The following NOS1AP variants were observed in gnomAD, a reference collection of about 807,000 sequenced individuals.
NOS1AP encodes nitric oxide synthase 1 adaptor protein, also known as carboxyl-terminal PDZ ligand of neuronal nitric oxide synthase protein.
Under a neutral mutation model 56.2 loss-of-function variants are expected in NOS1AP, and 21 were observed. The observed-to-expected ratio is 0.37, with a 90% CI of 0.26 to 0.54. The LOEUF (loss-of-function observed/expected upper bound fraction) is 0.54. Among genes scored for constraint, NOS1AP ranks in the 20% least tolerant of loss-of-function variants. The pLI, the probability that NOS1AP is intolerant of heterozygous loss-of-function variation, is 0.84. For missense variants in NOS1AP, 522 were observed against 657.8 expected (o/e 0.79, Z 2.26); for synonymous variants, 270 against 274.6 (o/e 0.98, Z 0.17).
At chr1:162,079,392 C>CTT (rs371079160) in intron 1 of NOS1AP, among the ~76,000 whole-genome samples, 1 of 149,694 alleles carries the variant, frequency 6.7e-6, no homozygotes, top group African/African-American at 2.5e-5. Flanking sequence ...GAATTGATGT[C>CTT]TTTTTTTTTT....
chr1:162,070,261 C>T lies in NOS1AP; in HGVS notation c.84C>T (p.His28=), dbSNP rs776274543. ...IPLHNEDAFQ[H]GICFEAKYVG... ...TGCACAACGAGGACGCCTTCCAGCA[C>T]GGCATCTGCTTTGAGGCCAAGGTGA... The change falls in exon 1 of 10, where the codon CAC becomes CAT. Residue 28 remains histidine (H), a synonymous_variant. Coordinates refer to ENST00000361897, the MANE Select transcript of NOS1AP (RefSeq NM_014697.3). 1 of 1,613,740 alleles carries T rather than the reference C, an allele frequency of 6.2e-7. No individual in the cohort carries two copies. The highest frequency in any genetic ancestry group is 8.5e-7 in the Non-Finnish European group (1 of 1,179,760).
intron 6 of NOS1AP, among the ~76,000 whole-genome samples, chr1:162,351,124 C>G (rs1401264353): frequency 6.6e-6 from 1 of 152,160 alleles, no homozygotes; most frequent in African/African-American, 2.4e-5. Flanking sequence ...CATATATATG[C>G]AAATAGGCAA....
Position 162,343,882 on chromosome 1 carries a change from C to G in NOS1AP, c.501C>G (p.Val167=). Residue 167 remains valine, a synonymous_variant, in exon 6 of 10, where the codon GTC becomes GTG. Transcript: ENST00000361897. Reference sequence around the variant, plus strand: ...GGACGGTGGGGCAGGCCTTTGAGGTCTGCCACAAGCTGAGCCTGCAGCACA... The same window carrying G: ...GGACGGTGGGGCAGGCCTTTGAGGTGTGCCACAAGCTGAGCCTGCAGCACA... ...IVRTVGQAFE[V]CHKLSLQHTQ... is the part of the protein sequence containing the mutation. 1 of 1,614,082 alleles carries G rather than the reference C, an allele frequency of 6.2e-7. No individual in the cohort carries two copies. The highest frequency in any genetic ancestry group is 1.1e-5 in the South Asian group (1 of 91,068).
chr1:162,275,609 A>T (rs1654708050), intron 2 of NOS1AP, among the ~76,000 whole-genome samples: 2 of 152,150 alleles, frequency 1.3e-5, no homozygotes, highest in African/African-American at 4.8e-5. Context: ...TTTCCATCAT[A>T]GTTGGAGGGG....
At chr1:162,170,654 C>T (rs929074979) in intron 2 of NOS1AP, among the ~76,000 whole-genome samples, 4 of 152,028 alleles carry the variant, frequency 2.6e-5, no homozygotes, top group East Asian at 1.9e-4. Flanking sequence ...AGGCCAGGCG[C>T]GGTGGCTCAC....
Position 162,367,438 on chromosome 1 carries a change from G to C in NOS1AP, c.1492G>C (p.Asp498His), listed in dbSNP as rs1467991388. 6.3e-7 allele frequency: 1 copy of C among 1,575,068 alleles called. No individual in the cohort carries two copies. Among genetic ancestry groups the C allele is most frequent in the East Asian group, 2.3e-5 (1 of 43,244 alleles). Residue 498 changes from aspartate (D) to histidine (H), a missense_variant, in exon 10 of 10, where the codon GAC (aspartate) becomes CAC (histidine). By Grantham distance (81) the Asp-to-His change is moderately conservative. Around this residue, in one of 4 missense-constraint regions of NOS1AP, gnomAD observed 160 missense variants for 180.3 expected, o/e 0.89. Coordinates refer to ENST00000361897, the MANE Select transcript of NOS1AP (RefSeq NM_014697.3). The surrounding 1 kb of genome is among the most constrained non-coding windows in gnomAD (Gnocchi z 6.5). ...TGTCCTGCAGAGGCAGGAACTGGGC[G>C]ACGGCCTGGATGATGAGATCGCCGT... ...LNVLQRQELG[D>H]GLDDEIAV
intron 1 of NOS1AP, among the ~76,000 whole-genome samples, chr1:162,124,769 C>T (rs952387429): frequency 4.6e-5 from 7 of 152,050 alleles, no homozygotes; most frequent in African/African-American, 9.7e-5. Flanking sequence ...GTGATCTGCC[C>T]GCCTTGGCCT....
chr1:162,147,226 G>T (rs1649503876), intron 1 of NOS1AP, among the ~76,000 whole-genome samples: 1 of 151,666 alleles, frequency 6.6e-6, no homozygotes, highest in African/African-American at 2.4e-5. Flanking sequence ...CTACTCTGGA[G>T]GCTGAGGCAG....
At chr1:162,107,219 G>T (rs1002984236) in intron 1 of NOS1AP, among the ~76,000 whole-genome samples, 30 of 152,182 alleles carry the variant, frequency 2.0e-4, no homozygotes, top group Non-Finnish European at 4.0e-4. Context: ...AACCATAAGA[G>T]AATAATAATA....
intron 2 of NOS1AP, among the ~76,000 whole-genome samples, chr1:162,247,500 T>C (rs1653702498): frequency 6.6e-6 from 1 of 152,182 alleles, no homozygotes; most frequent in Non-Finnish European, 1.5e-5. Flanking sequence ...GAGTGCTTAT[T>C]TTGCAAGATG....
At position 162,116,373 on chromosome 1, in the gene NOS1AP, TAG is replaced by T. The variant is rs138029553; in HGVS notation, c.106-38029_106-38028del. 8.5e-3 allele frequency among the ~76,000 whole-genome samples: 1,301 copies of T among 152,274 alleles called. 11 individuals carry two copies. The highest frequency in any genetic ancestry group is 0.022 in the South Asian group (108 of 4,818). ...GACAGCTAATGCCATCCATGGGATG[TAG>T]AGTCTTGCATGCTCCATCCCCCAGA... On this transcript the variant is annotated intron_variant, in intron 1 of 9. Coordinates refer to ENST00000361897, the MANE Select transcript of NOS1AP (RefSeq NM_014697.3).
intron 1 of NOS1AP, among the ~76,000 whole-genome samples, chr1:162,140,431 G>T (rs1649187984): frequency 6.6e-6 from 1 of 152,130 alleles, no homozygotes; most frequent in Non-Finnish European, 1.5e-5. Context: ...AATTCCCTTA[G>T]GAAAATGGCC....
intron 1 of NOS1AP, among the ~76,000 whole-genome samples, chr1:162,127,563 C>T (rs1646260539): frequency 6.6e-6 from 1 of 151,244 alleles, no homozygotes; most frequent in Admixed American, 6.6e-5. Flanking sequence ...GCTCACAGTT[C>T]TGCAAACTGT....
rs1037903447 is a variant in NOS1AP at position 162,363,200 on chromosome 1, C to T, written c.940-2204C>T. ...GTCACCTACACCTCTGACCAAGTGG[C>T]TATAAATTGGTGTTCCCACTACCCT... On this transcript the variant is annotated intron_variant, in intron 8 of 9. Transcript: ENST00000361897. 2.0e-5 allele frequency: 3 copies of T among 152,508 alleles called. No homozygotes were observed. In the East Asian group the frequency reaches 5.8e-4, roughly 29 times the overall value. The allele number at this position is 152,508 out of a possible 1,614,324, so 9.4% of individuals were successfully genotyped here.
chr1:162,183,318 C>T (rs1031083963), intron 2 of NOS1AP, among the ~76,000 whole-genome samples: 3 of 152,158 alleles, frequency 2.0e-5, no homozygotes, highest in East Asian at 1.9e-4. Context: ...GCTGTCATGC[C>T]GTCTTTGTTG....
chr1:162,356,599 G>T (rs1366805262), intron 7 of NOS1AP, among the ~76,000 whole-genome samples: 2 of 152,174 alleles, frequency 1.3e-5, no homozygotes, highest in Non-Finnish European at 2.9e-5. Flanking sequence ...GTGGATGGAA[G>T]CTACGTTTTC....
rs758141483 is a variant in NOS1AP, at chr1:162,223,340, T to C, written c.178-64004T>C. Among the ~76,000 whole-genome samples, 34 of 152,264 alleles carry C rather than the reference T, an allele frequency of 2.2e-4. 1 individual carries two copies. The highest frequency in any genetic ancestry group is 3.4e-3 in the Middle Eastern group (1 of 294). ...GTATTGAAGAAGCAGAGAAACTCAG[T>C]TGAGGACAAGAAAACAACTAAGAAA... is the stretch of plus-strand genomic sequence containing the variant. On this transcript the variant is annotated intron_variant, in intron 2 of 9. Coordinates refer to ENST00000361897, the MANE Select transcript of NOS1AP (RefSeq NM_014697.3).
intron 2 of NOS1AP, among the ~76,000 whole-genome samples, chr1:162,223,806 A>G (rs945294087): frequency 3.3e-5 from 5 of 152,176 alleles, no homozygotes; most frequent in African/African-American, 1.2e-4. Flanking sequence ...AGTCTATTTG[A>G]AGGAAAAAGC....
chr1:162,259,975 T>C (rs1014995783), intron 2 of NOS1AP, among the ~76,000 whole-genome samples: 5 of 152,192 alleles, frequency 3.3e-5, no homozygotes, highest in African/African-American at 1.2e-4. Context: ...ATCAATTGTT[T>C]GGGTTTTGTC....
Sources: gnomAD v4.1 joint callset for allele counts (sites outside exome capture counted in the v4.1 genomes callset) on GRCh38, gnomAD v4.1.1 for gene constraint, gnomAD v4.1.1 regional missense constraint, Gnocchi (gnomAD v3.1) non-coding constraint, MANE v1.5 for transcripts, NCBI Gene and HGNC (gene_info 2026-07-23, HGNC 2026-07-21) for gene names.